Variants in PRKN observed in about 807,000 individuals in gnomAD.
PRKN encodes the protein E3 ubiquitin-protein ligase parkin.
PRKN carries 56 observed loss-of-function variants against 59.5 expected under a neutral mutation model. The ratio of observed to expected loss-of-function variants is 0.94; its 90% confidence interval spans 0.76 to 1.18. The LOEUF is 1.18. PRKN is among the 50% of genes most tolerant of loss of function. The pLI, the probability that PRKN is intolerant of heterozygous loss-of-function variation, is 0.00. For synonymous variants in PRKN, 250 were observed against 222.1 expected, an observed-to-expected ratio of 1.13 and a Z score of -1.12; for missense variants, 657 against 596.4, an observed-to-expected ratio of 1.10 and a Z score of -1.06.
At chr6:162,086,769 A>T (rs534549761) in intron 4 of PRKN, among the ~76,000 whole-genome samples, 6 of 152,172 alleles carry the variant, frequency 3.9e-5, no homozygotes, top group Non-Finnish European at 8.8e-5. Flanking sequence ...TCTTAACTAC[A>T]TCACTGATGC....
In PRKN at chr6:161,682,057, G is replaced by A. The variant is rs77222544; in HGVS notation, c.871+103715C>T. ...AGAAGAGAGAGGACAGGGTAAAGAC[G>A]GCAGATACCAAAAGAGGAAGAAAGG... On this transcript the variant is annotated intron_variant, in intron 7 of 11. Coordinates refer to ENST00000366898, the MANE Select transcript of PRKN (RefSeq NM_004562.3). Among the ~76,000 whole-genome samples the A allele has an allele frequency of 9.9e-3, 1,507 of 152,294 alleles. 24 individuals carry two copies. The highest frequency in any genetic ancestry group is 0.035 in the African/African-American group (1,441 of 41,546).
rs1554261912 is a variant in PRKN, at chr6:162,021,148, A to AT, written c.618+32942dup. Among the ~76,000 whole-genome samples the AT allele has an allele frequency of 2.6e-3, 33 of 12,928 alleles. 1 individual carries two copies. Among genetic ancestry groups the AT allele is most frequent in the Admixed American group, 0.011 (9 of 850 alleles). 8.5% of individuals were successfully genotyped at this position (12,928 alleles called of 152,430 possible). A position where few individuals can be genotyped will look rare whatever the true frequency, so the allele number is the denominator to read the frequency against. On this transcript the variant is annotated intron_variant, in intron 5 of 11. Coordinates refer to ENST00000366898, the MANE Select transcript of PRKN (RefSeq NM_004562.3). ...TATATATATATATATATATATATAT[A>AT]TATATATATATATATATAAAATATA...
At chr6:161,516,511 AAAGAAG>A (rs1024623750) in intron 9 of PRKN, among the ~76,000 whole-genome samples, 24 of 143,668 alleles carry the variant, frequency 1.7e-4, no homozygotes, top group South Asian at 4.4e-4. Context: ...AAGAAAGAAG[AAAGAAG>A]AAGAAGAAGA....
intron 1 of PRKN, among the ~76,000 whole-genome samples, chr6:162,559,396 C>T (rs1403193765): frequency 1.3e-5 from 2 of 151,978 alleles, no homozygotes; most frequent in African/African-American, 2.4e-5. Context: ...CATCACACAC[C>T]CTTCCCCAGC....
chr6:162,688,536 G>C (rs1325663442), intron 1 of PRKN, among the ~76,000 whole-genome samples: 1 of 152,062 alleles, frequency 6.6e-6, no homozygotes, highest in Non-Finnish European at 1.5e-5. Flanking sequence ...ATATACAATA[G>C]TCTTTATCTT....
intron 1 of PRKN, among the ~76,000 whole-genome samples, chr6:162,548,369 G>A (rs1011001513): frequency 6.6e-6 from 1 of 152,106 alleles, no homozygotes; most frequent in Non-Finnish European, 1.5e-5. Context: ...CTCTCTGATA[G>A]TTTTTTAAAC....
intron 1 of PRKN, among the ~76,000 whole-genome samples, chr6:162,520,022 G>A (rs1778022562): frequency 6.6e-6 from 1 of 152,178 alleles, no homozygotes; most frequent in African/African-American, 2.4e-5. Context: ...GGCCAAGGCA[G>A]GAGGACTGCT....
chr6:162,247,275 G>A (rs968703587), intron 3 of PRKN, among the ~76,000 whole-genome samples: 2 of 152,064 alleles, frequency 1.3e-5, no homozygotes, highest in African/African-American at 2.4e-5. Flanking sequence ...AAAATACAAC[G>A]ATTTATCCAA....
At chr6:161,421,361 G>C (rs566967521) in intron 9 of PRKN, among the ~76,000 whole-genome samples, 2 of 152,296 alleles carry the variant, frequency 1.3e-5, no homozygotes, top group East Asian at 3.9e-4. Context: ...CCATCCAAAA[G>C]TTGTAGAAAA....
At chr6:161,901,011 G>A (rs1306233656) in intron 6 of PRKN, among the ~76,000 whole-genome samples, 2 of 150,938 alleles carry the variant, frequency 1.3e-5, no homozygotes, top group African/African-American at 4.9e-5. Flanking sequence ...TAACTCCCAG[G>A]TTCAAGCAAC....
chr6:162,644,207 C>G (rs1370476156), intron 1 of PRKN, among the ~76,000 whole-genome samples: 1 of 152,140 alleles, frequency 6.6e-6, no homozygotes, highest in Non-Finnish European at 1.5e-5. Flanking sequence ...CTGTGCTCCT[C>G]CTCCTCCTGC....
At chr6:162,379,606 A>C (rs1786315946) in intron 2 of PRKN, among the ~76,000 whole-genome samples, 1 of 152,086 alleles carries the variant, frequency 6.6e-6, no homozygotes, top group Non-Finnish European at 1.5e-5. Flanking sequence ...TCCCAAACTG[A>C]GCCTCAATGC....
intron 2 of PRKN, among the ~76,000 whole-genome samples, chr6:162,322,502 C>A (rs570531701): frequency 6.6e-6 from 1 of 152,042 alleles, no homozygotes; most frequent in Non-Finnish European, 1.5e-5. Context: ...AAATGTAGTA[C>A]AAAATTAAAA....
At chr6:161,679,264 A>G (rs1785208856) in intron 7 of PRKN, among the ~76,000 whole-genome samples, 1 of 152,320 alleles carries the variant, frequency 6.6e-6, no homozygotes. Flanking sequence ...GCAGAGATAC[A>G]GTGTTTTATC....
chr6:162,146,854 C>A (rs1372137376), intron 4 of PRKN, among the ~76,000 whole-genome samples: 1 of 151,874 alleles, frequency 6.6e-6, no homozygotes, highest in Non-Finnish European at 1.5e-5. Flanking sequence ...ACTCAGCCTC[C>A]CGAGTAGCTG....
At chr6:162,392,627 T>C (rs750341717) in intron 2 of PRKN, among the ~76,000 whole-genome samples, 1 of 152,176 alleles carries the variant, frequency 6.6e-6, no homozygotes, top group African/African-American at 2.4e-5. Flanking sequence ...GCAAAGCATA[T>C]AGATTGAGGC....
rs1362555025 is a variant in PRKN, at chr6:161,766,712, G to A, written c.871+19060C>T. Among the ~76,000 whole-genome samples the A allele has an allele frequency of 2.6e-5, 4 of 152,134 alleles. No individual in the cohort carries two copies. The East Asian group carries it at 5.8e-4, about 22-fold the overall frequency. On this transcript the variant is annotated intron_variant, in intron 7 of 11. Transcript: ENST00000366898. ...AGCCATTAGGAGGCACTGTCTCCAC[G>A]TACTGATTTGATTGTATTTTTTCAT...
At chr6:161,951,815 G>A (rs574036213) in intron 6 of PRKN, among the ~76,000 whole-genome samples, 4 of 152,004 alleles carry the variant, frequency 2.6e-5, no homozygotes, top group South Asian at 2.1e-4. Flanking sequence ...CCAGCTGCTC[G>A]GGAGGCTGAG....
intron 1 of PRKN, among the ~76,000 whole-genome samples, chr6:162,596,518 A>G (rs1021349543): frequency 3.9e-5 from 6 of 152,220 alleles, no homozygotes; most frequent in Admixed American, 6.5e-5. Context: ...GTGAAAGGCA[A>G]TAACTTCCTA....
Sources: allele counts gnomAD v4.1 joint callset (sites outside exome capture counted in the v4.1 genomes callset), GRCh38; gene constraint gnomAD v4.1.1; transcripts MANE v1.5; gene names NCBI Gene and HGNC (gene_info 2026-07-23, HGNC 2026-07-21).